SLC9A9: variants seen among roughly 807,000 people sequenced by gnomAD.
SLC9A9 encodes sodium/hydrogen exchanger 9.
In SLC9A9, 62 loss-of-function variants were observed where a neutral mutation model predicts 77.8. That is an observed-to-expected ratio of 0.80 (90% CI 0.65 to 0.98). The LOEUF (loss-of-function observed/expected upper bound fraction) is 0.98. Among genes scored for constraint, SLC9A9 ranks in the 50% least tolerant of loss-of-function variants. The pLI is 0.00. For missense variants in SLC9A9, 775 were observed against 774.9 expected (o/e 1.00, Z 0.00); for synonymous variants, 320 against 283.5 (o/e 1.13, Z -1.29).
At chr3:143,388,229 A>G (rs1252855006) in intron 12 of SLC9A9, among the ~76,000 whole-genome samples, 1 of 152,208 alleles carries the variant, frequency 6.6e-6, no homozygotes, top group Non-Finnish European at 1.5e-5. Context: ...ACCCTGTATT[A>G]TTTGACTAAA....
intron 6 of SLC9A9, among the ~76,000 whole-genome samples, chr3:143,593,162 G>GTA (rs1316405656): frequency 6.6e-6 from 1 of 152,210 alleles, no homozygotes; most frequent in Non-Finnish European, 1.5e-5. Context: ...CGTAGGTAAG[G>GTA]TACGGGCCAG....
intron 2 of SLC9A9, among the ~76,000 whole-genome samples, chr3:143,820,541 G>A (rs1052703753): frequency 3.3e-5 from 5 of 152,178 alleles, no homozygotes; most frequent in Non-Finnish European, 5.9e-5. Context: ...ATTGGCTGCT[G>A]CTGGTCCCTT....
chr3:143,660,027 C>G (rs1464182342), intron 5 of SLC9A9, among the ~76,000 whole-genome samples: 1 of 152,186 alleles, frequency 6.6e-6, no homozygotes, highest in Admixed American at 6.5e-5. Flanking sequence ...TTGCCTTCCA[C>G]CATGATTGTG....
intron 6 of SLC9A9, among the ~76,000 whole-genome samples, chr3:143,611,988 T>C (rs2038029775): frequency 6.6e-6 from 1 of 152,128 alleles, no homozygotes; most frequent in African/African-American, 2.4e-5. Flanking sequence ...CAAGCCAAAG[T>C]GTTGGGATTA....
chr3:143,344,063 T>A (rs1450656304), intron 14 of SLC9A9, among the ~76,000 whole-genome samples: 1 of 152,214 alleles, frequency 6.6e-6, no homozygotes, highest in Non-Finnish European at 1.5e-5. Context: ...GTGGACAGAT[T>A]CACTTACAGT....
intron 5 of SLC9A9, among the ~76,000 whole-genome samples, chr3:143,666,536 A>T (rs1299047537): frequency 6.6e-6 from 1 of 152,234 alleles, no homozygotes; most frequent in Non-Finnish European, 1.5e-5. Context: ...GAAAAGAGGA[A>T]ATCAAATTGT....
intron 4 of SLC9A9, among the ~76,000 whole-genome samples, chr3:143,773,774 A>AC (rs1198936438): frequency 1.3e-5 from 2 of 152,106 alleles, no homozygotes; most frequent in African/African-American, 4.8e-5. Flanking sequence ...ATAAGCCACC[A>AC]CACCTGGCCC....
chr3:143,287,157 G>C (rs1171172689), intron 14 of SLC9A9, among the ~76,000 whole-genome samples: 1 of 152,066 alleles, frequency 6.6e-6, no homozygotes, highest in African/African-American at 2.4e-5. Context: ...CTGGCAAGTG[G>C]GGAAGGCCCA....
chr3:143,382,761 C>A (rs1161922066), intron 12 of SLC9A9, among the ~76,000 whole-genome samples: 1 of 152,176 alleles, frequency 6.6e-6, no homozygotes, highest in Non-Finnish European at 1.5e-5. Flanking sequence ...AAATACAAAA[C>A]ATTTTAATTA....
In SLC9A9 at chr3:143,591,611, C is replaced by A. The variant is rs111546455; in HGVS notation, c.756-12888G>T. 5.1e-3 allele frequency among the ~76,000 whole-genome samples: 735 copies of A among 144,578 alleles called. 4 individuals are homozygous for A. Among genetic ancestry groups the A allele is most frequent in the African/African-American group, 0.019 (648 of 34,352 alleles). 94.8% of individuals were successfully genotyped at this position (144,578 alleles called of 152,430 possible). ...TGTAAGAACTGATGTATTACTAACT[C>A]AAGCAATTAATAGACCTGTCTTGTC... On this transcript the variant is annotated intron_variant, in intron 6 of 15. Transcript: ENST00000316549.
intron 4 of SLC9A9, among the ~76,000 whole-genome samples, chr3:143,772,889 G>T (rs978058724): frequency 2.0e-5 from 3 of 152,192 alleles, no homozygotes; most frequent in Admixed American, 6.5e-5. Flanking sequence ...TGGAAATTGG[G>T]TTGATTTTAA....
intron 12 of SLC9A9, among the ~76,000 whole-genome samples, chr3:143,434,617 T>C (rs73867629): frequency 0.044 from 6,768 of 152,252 alleles, 524 homozygotes; most frequent in African/African-American, 0.15. Context: ...AATACGCCTA[T>C]GCTGCCTCTG....
At chr3:143,667,898 G>C (rs1055423180) in intron 5 of SLC9A9, among the ~76,000 whole-genome samples, 11 of 152,182 alleles carry the variant, frequency 7.2e-5, no homozygotes, top group African/African-American at 2.7e-4. Context: ...GTGTAAACTA[G>C]TTCAACCATT....
At chr3:143,617,204 T>C (rs1318693295) in intron 6 of SLC9A9, among the ~76,000 whole-genome samples, 6 of 152,242 alleles carry the variant, frequency 3.9e-5, no homozygotes, top group African/African-American at 1.4e-4. Context: ...ATATCTTACT[T>C]TGATTAGGCA....
intron 7 of SLC9A9, 113 bp from the exon 8 acceptor site, chr3:143,574,306 T>G (rs936833822): frequency 2.3e-6 from 2 of 867,700 alleles, no homozygotes; most frequent in African/African-American, 3.4e-5. Context: ...GTAAAAGAAC[T>G]GATATTCAGA....
At chr3:143,739,546 A>T (rs1935028769) in intron 4 of SLC9A9, among the ~76,000 whole-genome samples, 1 of 152,256 alleles carries the variant, frequency 6.6e-6, no homozygotes, top group Admixed American at 6.5e-5. Context: ...ACTTATTTAC[A>T]AAGTTAATAC....
chr3:143,397,888 A>T (rs2033765327), intron 12 of SLC9A9, among the ~76,000 whole-genome samples: 1 of 152,212 alleles, frequency 6.6e-6, no homozygotes, highest in Non-Finnish European at 1.5e-5. Flanking sequence ...AATGCATAGA[A>T]CATATATTTA....
chr3:143,827,412 A>AT (rs1374269539), intron 2 of SLC9A9, among the ~76,000 whole-genome samples: 2 of 152,046 alleles, frequency 1.3e-5, no homozygotes, highest in East Asian at 1.9e-4. Context: ...AAGTGAAAAT[A>AT]TTTTTTTTCT....
intron 5 of SLC9A9, among the ~76,000 whole-genome samples, chr3:143,652,810 C>CAT (rs1553775951): frequency 0.063 from 9,308 of 148,214 alleles, 341 homozygotes; most frequent in Middle Eastern, 0.09. Context: ...CACACACACA[C>CAT]ACTTCTTGCT....
Sources: allele counts gnomAD v4.1 joint callset (sites outside exome capture counted in the v4.1 genomes callset), GRCh38; gene constraint gnomAD v4.1.1; transcripts MANE v1.5; gene names NCBI Gene and HGNC (gene_info 2026-07-23, HGNC 2026-07-21).